The following CDKL1 variants were observed in gnomAD, a reference collection of about 807,000 sequenced individuals.
The protein encoded by CDKL1 is cyclin-dependent kinase-like 1.
In CDKL1, 41 loss-of-function variants were observed where a neutral mutation model predicts 42.0. That is an observed-to-expected ratio of 0.98 (90% CI 0.76 to 1.27). CDKL1 has a LOEUF of 1.27. Ranked by LOEUF, CDKL1 falls within the 50% of genes most tolerant of loss-of-function variation. The pLI is 0.00. For synonymous variants in CDKL1, 153 were observed against 158.6 expected (o/e 0.96, Z 0.26); for missense variants, 394 against 428.4 (o/e 0.92, Z 0.71).
intron 2 of CDKL1, chr14:50,377,577 A>G: frequency 7.4e-7 from 1 of 1,347,788 alleles, no homozygotes. Flanking sequence ...TCAGAATGGA[A>G]TTCTGGAACT....
At chr14:50,365,265 ATAT>A (rs2139471900) in intron 2 of CDKL1, among the ~76,000 whole-genome samples, 1 of 152,286 alleles carries the variant, frequency 6.6e-6, no homozygotes, top group East Asian at 1.9e-4. Flanking sequence ...CTTGTGATAT[ATAT>A]TGCCAAATTG....
At chr14:50,387,974 GC>G (rs982008313) in intron 2 of CDKL1, among the ~76,000 whole-genome samples, 21 of 152,016 alleles carry the variant, frequency 1.4e-4, no homozygotes, top group Non-Finnish European at 2.9e-4. Context: ...TCGACTCACC[GC>G]CACCTCCACC....
chr14:50,367,083 C>A (rs2034455982), intron 2 of CDKL1, among the ~76,000 whole-genome samples: 1 of 152,062 alleles, frequency 6.6e-6, no homozygotes, highest in Non-Finnish European at 1.5e-5. Context: ...ACCCTCCCAC[C>A]CAGATGTGTG....
intron 3 of CDKL1, among the ~76,000 whole-genome samples, chr14:50,351,641 G>A (rs2033905060): frequency 6.6e-6 from 1 of 151,776 alleles, no homozygotes. Context: ...AGGCTGAGGT[G>A]GGAGGATTAT....
chr14:50,349,393 C>G (rs1225042659), intron 3 of CDKL1, among the ~76,000 whole-genome samples: 1 of 152,186 alleles, frequency 6.6e-6, no homozygotes, highest in Non-Finnish European at 1.5e-5. Context: ...CAGGAAGCCC[C>G]TCATGGATGC....
intron 9 of CDKL1, 160 bp downstream of exon 9, chr14:50,332,102 G>A: frequency 6.3e-7 from 1 of 1,590,966 alleles, no homozygotes; most frequent in Non-Finnish European, 8.5e-7. Context: ...GGGGGCTTCA[G>A]GAGACAGATG....
At chr14:50,362,170 A>AC (rs1182063245) in intron 2 of CDKL1, 14 of 150,688 alleles carry the variant, frequency 9.3e-5, no homozygotes, top group African/African-American at 2.2e-4. Flanking sequence ...TCCCCTCCCC[A>AC]CCCCCCCACC....
chr14:50,373,161 TA>T lies in CDKL1; in HGVS notation c.169-14013del, dbSNP rs527530300. Among the ~76,000 whole-genome samples the T allele has an allele frequency of 3.7e-3, 560 of 152,166 alleles. 2 individuals carry two copies. The highest frequency in any genetic ancestry group is 0.012 in the African/African-American group (502 of 41,516). On this transcript the variant is annotated intron_variant, in intron 2 of 9. Transcript: ENST00000395834. Reference sequence around the variant, plus strand: ...TTTTAACAATATTAATTCACTATGTTAAAAAAACACTATAAACAACGCCAAA... The same window carrying T: ...TTTTAACAATATTAATTCACTATGTTAAAAAACACTATAAACAACGCCAAA...
intron 2 of CDKL1, among the ~76,000 whole-genome samples, chr14:50,360,705 C>T (rs999472299): frequency 1.3e-5 from 2 of 152,146 alleles, no homozygotes; most frequent in African/African-American, 2.4e-5. Flanking sequence ...TGAACCCGGC[C>T]ATGAGCCACC....
At chr14:50,342,020 T>C in intron 5 of CDKL1, 112 bp downstream of exon 5, 1 of 790,418 alleles carries the variant, frequency 1.3e-6, no homozygotes. Context: ...AGCACACTTA[T>C]GCCCTAAATA....
intron 3 of CDKL1, among the ~76,000 whole-genome samples, chr14:50,357,749 CCTT>C (rs1461317093): frequency 6.6e-6 from 1 of 152,210 alleles, no homozygotes; most frequent in African/African-American, 2.4e-5. Context: ...GCAGATGCTA[CCTT>C]CTTCTAGAAT....
intron 7 of CDKL1, among the ~76,000 whole-genome samples, chr14:50,335,215 G>T (rs996017381): frequency 4.0e-5 from 6 of 150,282 alleles, no homozygotes; most frequent in African/African-American, 1.2e-4. Flanking sequence ...AGGATGGCGT[G>T]GGTTTGGGAG....
chr14:50,351,734 C>CAA lies in CDKL1; in HGVS notation c.291-6678_291-6677dup, dbSNP rs1199112239. 3.8e-4 allele frequency among the ~76,000 whole-genome samples: 24 copies of CAA among 62,956 alleles called. No homozygotes were observed. In the South Asian group the frequency reaches 7.5e-3, roughly 20 times the overall value. The allele number at this position is 62,956 out of a possible 152,430, so 41.3% of individuals were successfully genotyped here. ...TGGGTGACAGAGTGAGGCCTTGTCT[C>CAA]AAAAAAAAAAAAAAAAAGGTCAGGG... On this transcript the variant is annotated intron_variant, in intron 3 of 9. Coordinates refer to ENST00000395834, the MANE Select transcript of CDKL1 (RefSeq NM_004196.7).
intron 7 of CDKL1, chr14:50,335,533 C>G: frequency 6.5e-7 from 1 of 1,536,074 alleles, no homozygotes; most frequent in Non-Finnish European, 8.7e-7. Context: ...TTGCGCCAGT[C>G]ACGTGCTGGA....
At chr14:50,357,922 T>C in intron 3 of CDKL1, 1 of 513,056 alleles carries the variant, frequency 1.9e-6, no homozygotes. Flanking sequence ...GAAGAAGAAT[T>C]AGGGCTGGGA....
intron 3 of CDKL1, among the ~76,000 whole-genome samples, chr14:50,353,031 T>G (rs778727136): frequency 6.6e-6 from 1 of 152,220 alleles, no homozygotes. Context: ...ATCTCGACTT[T>G]AGGAATAATT....
chr14:50,393,345 G>T (rs887564415), intron 2 of CDKL1, among the ~76,000 whole-genome samples: 1 of 152,214 alleles, frequency 6.6e-6, no homozygotes, highest in Non-Finnish European at 1.5e-5. Context: ...GAAAGACAGG[G>T]TGTACAACTT....
At chr14:50,342,528 A>AT (rs1478840495) in intron 4 of CDKL1, 1 of 723,432 alleles carries the variant, frequency 1.4e-6, no homozygotes, top group Non-Finnish European at 1.8e-6. Flanking sequence ...TAAACAAATA[A>AT]TTTTTTTAGG....
chr14:50,355,319 T>C (rs1303210921), intron 3 of CDKL1, among the ~76,000 whole-genome samples: 2 of 152,236 alleles, frequency 1.3e-5, no homozygotes, highest in South Asian at 2.1e-4. Context: ...TTTCTTATGG[T>C]AAATTGTTCA....
Sources: gnomAD v4.1 joint callset for allele counts (sites outside exome capture counted in the v4.1 genomes callset) on GRCh38, gnomAD v4.1.1 for gene constraint, MANE v1.5 for transcripts, NCBI Gene and HGNC (gene_info 2026-07-23, HGNC 2026-07-21) for gene names.